The following EXOC4 variants were observed in gnomAD, a reference collection of about 807,000 sequenced individuals.
EXOC4 encodes SEC8-like 1.
EXOC4 carries 71 observed loss-of-function variants against 107.2 expected under a neutral mutation model. The observed-to-expected ratio is 0.66, with a 90% CI of 0.55 to 0.81. The LOEUF (loss-of-function observed/expected upper bound fraction) is 0.81. EXOC4 is among the 30% of genes least tolerant of loss of function. The pLI, the probability that EXOC4 is intolerant of heterozygous loss-of-function variation, is 0.00. For synonymous variants in EXOC4, 456 were observed against 441.2 expected, an observed-to-expected ratio of 1.03 and a Z score of -0.42; for missense variants, 1,108 against 1,189.6, an observed-to-expected ratio of 0.93 and a Z score of 1.01.
intron 13 of EXOC4, among the ~76,000 whole-genome samples, chr7:133,922,221 G>A (rs1799952351): frequency 6.6e-6 from 1 of 152,034 alleles, no homozygotes; most frequent in African/African-American, 2.4e-5. Context: ...TTTTTACACT[G>A]TTCACTTTTG....
At chr7:133,666,680 A>G (rs1793820560) in intron 10 of EXOC4, among the ~76,000 whole-genome samples, 2 of 152,056 alleles carry the variant, frequency 1.3e-5, no homozygotes, top group Admixed American at 1.3e-4. Context: ...CCATTTATTC[A>G]CTCAACCTTT....
rs532569420 is a variant in EXOC4, at chr7:133,704,407, T to TA, written c.1514+74267dup. Among the ~76,000 whole-genome samples the TA allele has an allele frequency of 7.5e-4, 115 of 152,376 alleles. 1 individual carries two copies. The highest frequency in any genetic ancestry group is 2.5e-3 in the African/African-American group (106 of 41,592). ...AGTCTTCTGTGACATGTTCCATACT[T>TA]ACACTGCTATTCAGTTTCTCCAACA... On this transcript the variant is annotated intron_variant, in intron 10 of 17. Transcript: ENST00000253861.
At chr7:133,707,401 A>G (rs1445867822) in intron 10 of EXOC4, among the ~76,000 whole-genome samples, 1 of 151,914 alleles carries the variant, frequency 6.6e-6, no homozygotes, top group Non-Finnish European at 1.5e-5. Context: ...AAAAGAAAAT[A>G]AAAGATGATA....
At chr7:133,270,717 C>G (rs904579111) in intron 1 of EXOC4, among the ~76,000 whole-genome samples, 4 of 152,152 alleles carry the variant, frequency 2.6e-5, no homozygotes, top group Non-Finnish European at 5.9e-5. Flanking sequence ...GCTGGTAGAG[C>G]TCTGCATTAC....
At chr7:134,098,200 A>C in the EXOC4 span, among the ~76,000 whole-genome samples, 1 of 152,322 alleles carries the variant, frequency 6.6e-6, no homozygotes, top group African/African-American at 2.4e-5. Flanking sequence ...CTGGAATTAA[A>C]GCCTGCTGTG....
intron 10 of EXOC4, among the ~76,000 whole-genome samples, chr7:133,755,070 A>G (rs939535219): frequency 1.3e-5 from 2 of 151,024 alleles, no homozygotes; most frequent in East Asian, 1.9e-4. Context: ...ATATAATGAA[A>G]AGCTGAGAAA....
chr7:133,755,855 T>C (rs1165711583), intron 10 of EXOC4, among the ~76,000 whole-genome samples: 1 of 152,194 alleles, frequency 6.6e-6, no homozygotes, highest in African/African-American at 2.4e-5. Flanking sequence ...GGTGTAATCT[T>C]TGATCTAAAT....
the EXOC4 span, among the ~76,000 whole-genome samples, chr7:134,086,451 C>T: frequency 6.6e-6 from 1 of 152,104 alleles, no homozygotes; most frequent in Non-Finnish European, 1.5e-5. Flanking sequence ...GGGGAGCAAA[C>T]ATAATTTCTT....
rs140306103 is a variant in EXOC4, at chr7:133,477,502, G to C, written c.1328+2029G>C. Among the ~76,000 whole-genome samples the C allele has an allele frequency of 4.8e-3, 731 of 152,104 alleles. 3 individuals are homozygous for C. The highest frequency in any genetic ancestry group is 0.017 in the Middle Eastern group (5 of 294). On this transcript the variant is annotated intron_variant, in intron 8 of 17. Coordinates refer to ENST00000253861, the MANE Select transcript of EXOC4 (RefSeq NM_021807.4). ...GGCTTGATAGGTGTCTCTTTGTATT[G>C]CTGAGTAACATTCCTTTGTGTGGAT...
chr7:133,686,916 G>A (rs532941918), intron 10 of EXOC4, among the ~76,000 whole-genome samples: 8 of 152,094 alleles, frequency 5.3e-5, no homozygotes, highest in Non-Finnish European at 7.4e-5. Flanking sequence ...ATGCATGTTT[G>A]TAGCAGCACA....
intron 13 of EXOC4, among the ~76,000 whole-genome samples, chr7:133,927,112 C>G (rs999102510): frequency 1.3e-5 from 2 of 149,916 alleles, no homozygotes; most frequent in African/African-American, 2.4e-5. Flanking sequence ...ATCAGCCCCT[C>G]CTCAAATGAA....
At chr7:133,408,708 G>T (rs528459238) in intron 7 of EXOC4, among the ~76,000 whole-genome samples, 5 of 152,122 alleles carry the variant, frequency 3.3e-5, no homozygotes, top group Non-Finnish European at 5.9e-5. Flanking sequence ...GCAGAGCTTG[G>T]ATTTGAACCT....
intron 7 of EXOC4, among the ~76,000 whole-genome samples, chr7:133,471,907 G>T (rs1023663662): frequency 8.5e-5 from 13 of 152,104 alleles, no homozygotes; most frequent in African/African-American, 3.1e-4. Context: ...GTAGAAAATG[G>T]GTGTTTTAGG....
At chr7:133,357,636 G>A (rs1796051203) in intron 6 of EXOC4, among the ~76,000 whole-genome samples, 1 of 151,974 alleles carries the variant, frequency 6.6e-6, no homozygotes, top group African/African-American at 2.4e-5. Flanking sequence ...TTTATACCTA[G>A]GGCTCAAAGT....
At chr7:134,039,705 T>C (rs1357001810) in intron 17 of EXOC4, among the ~76,000 whole-genome samples, 1 of 152,192 alleles carries the variant, frequency 6.6e-6, no homozygotes, top group Non-Finnish European at 1.5e-5. Flanking sequence ...AGGTTTTCAC[T>C]ATACTGAAGA....
intron 5 of EXOC4, among the ~76,000 whole-genome samples, chr7:133,336,300 G>C (rs867797199): frequency 2.9e-4 from 44 of 152,252 alleles, no homozygotes; most frequent in African/African-American, 9.9e-4. Context: ...TTTCTTCTGA[G>C]AGTTTTATAG....
chr7:134,069,310 T>TCCTCCTTC (rs67106949), downstream of EXOC4, among the ~76,000 whole-genome samples: 11 of 130,228 alleles, frequency 8.4e-5, no homozygotes, highest in Non-Finnish European at 1.3e-4. Context: ...TCCTCCTCCT[T>TCCTCCTTC]TCTTCCTTCT....
intron 9 of EXOC4, among the ~76,000 whole-genome samples, chr7:133,596,914 C>T (rs530815596): frequency 2.8e-4 from 43 of 152,258 alleles, no homozygotes; most frequent in African/African-American, 9.9e-4. Context: ...TCGGGTCGGC[C>T]TCCCATGAAG....
At chr7:133,992,336 G>A (rs1166351869) in intron 14 of EXOC4, among the ~76,000 whole-genome samples, 3 of 152,036 alleles carry the variant, frequency 2.0e-5, no homozygotes, top group African/African-American at 7.3e-5. Flanking sequence ...AGGCTGGAAT[G>A]CAGTGATGCA....
Sources: allele counts gnomAD v4.1 joint callset (sites outside exome capture counted in the v4.1 genomes callset), GRCh38; gene constraint gnomAD v4.1.1; transcripts MANE v1.5; gene names NCBI Gene and HGNC (gene_info 2026-07-23, HGNC 2026-07-21).